Variants in CAP2 observed in about 807,000 individuals in gnomAD.
The protein encoded by CAP2 is adenylyl cyclase-associated protein 2.
Under a neutral mutation model 57.7 loss-of-function variants are expected in CAP2, and 24 were observed. The ratio of observed to expected loss-of-function variants is 0.42; its 90% CI spans 0.30 to 0.58. The LOEUF (loss-of-function observed/expected upper bound fraction) is 0.58, where lower values mean the gene tolerates loss of function less well. Among genes scored for constraint, CAP2 ranks in the 20% least tolerant of loss-of-function variants. CAP2 has a pLI of 0.22. For missense variants in CAP2, 501 were observed against 590.3 expected (o/e 0.85, Z 1.57); for synonymous variants, 194 against 207.2 (o/e 0.94, Z 0.55).
intron 1 of CAP2, among the ~76,000 whole-genome samples, chr6:17,400,260 C>T (rs1375010144): frequency 6.6e-6 from 1 of 152,026 alleles, no homozygotes; most frequent in Admixed American, 6.5e-5. Context: ...CAAAACAGAC[C>T]TGTAGTACAT....
At chr6:17,460,927 C>T (rs939071715) in intron 3 of CAP2, among the ~76,000 whole-genome samples, 1 of 152,134 alleles carries the variant, frequency 6.6e-6, no homozygotes, top group Non-Finnish European at 1.5e-5. Flanking sequence ...ACAGGAGGAT[C>T]GCTTGAGCAC....
At chr6:17,526,695 C>G (rs982010243) in intron 7 of CAP2, among the ~76,000 whole-genome samples, 5 of 152,054 alleles carry the variant, frequency 3.3e-5, no homozygotes, top group Non-Finnish European at 5.9e-5. Context: ...TAGTGGCTCC[C>G]GCCTGTAATT....
chr6:17,496,754 A>G (rs1561804975), intron 4 of CAP2, among the ~76,000 whole-genome samples: 3 of 152,120 alleles, frequency 2.0e-5, no homozygotes, highest in Non-Finnish European at 4.4e-5. Flanking sequence ...TGGCTCATCT[A>G]CCCTGTGGGA....
intron 3 of CAP2, among the ~76,000 whole-genome samples, chr6:17,430,172 A>G (rs1298893826): frequency 6.6e-6 from 1 of 152,214 alleles, no homozygotes; most frequent in Non-Finnish European, 1.5e-5. Context: ...TGAACACTCA[A>G]TAGCCTATTG....
intron 9 of CAP2, 118 bp from the exon 10 acceptor site, chr6:17,542,719 G>T (rs1228106685): frequency 2.4e-6 from 2 of 817,954 alleles, no homozygotes; most frequent in Non-Finnish European, 4.0e-6. Flanking sequence ...TAAGGAGATG[G>T]TTCCAAAAGA....
At chr6:17,460,747 C>A (rs995393041) in intron 3 of CAP2, among the ~76,000 whole-genome samples, 3 of 152,252 alleles carry the variant, frequency 2.0e-5, no homozygotes, top group Non-Finnish European at 2.9e-5. Flanking sequence ...ACGATTCAAT[C>A]ATAACTAAAA....
intron 3 of CAP2, among the ~76,000 whole-genome samples, chr6:17,433,166 A>G (rs73367901): frequency 0.046 from 7,012 of 152,184 alleles, 518 homozygotes; most frequent in African/African-American, 0.15. Flanking sequence ...CTGCAGTAGG[A>G]TGGCCTCATC....
intron 4 of CAP2, among the ~76,000 whole-genome samples, chr6:17,477,733 T>A (rs1761186265): frequency 2.0e-5 from 3 of 152,186 alleles, no homozygotes; most frequent in Non-Finnish European, 2.9e-5. Flanking sequence ...AAAACTATTG[T>A]TCCCATGTAT....
chr6:17,497,384 TA>T (rs1761695484), intron 4 of CAP2, among the ~76,000 whole-genome samples: 1 of 152,224 alleles, frequency 6.6e-6, no homozygotes, highest in Non-Finnish European at 1.5e-5. Context: ...TAAGAGTTGG[TA>T]TCTTCTCAGC....
chr6:17,395,603 T>C (rs1758645412), intron 1 of CAP2, among the ~76,000 whole-genome samples: 1 of 152,208 alleles, frequency 6.6e-6, no homozygotes, highest in South Asian at 2.1e-4. Context: ...GTGCCTGTTA[T>C]ACCTTGGCAG....
chr6:17,409,349 G>A (rs935947662), intron 1 of CAP2, among the ~76,000 whole-genome samples: 1 of 151,540 alleles, frequency 6.6e-6, no homozygotes, highest in Non-Finnish European at 1.5e-5. Flanking sequence ...TCCAGCCTGG[G>A]TGACAGAGTG....
intron 1 of CAP2, among the ~76,000 whole-genome samples, chr6:17,402,208 G>A (rs780979191): frequency 2.8e-4 from 42 of 152,144 alleles, no homozygotes; most frequent in Non-Finnish European, 5.0e-4. Flanking sequence ...TTTCCCATCT[G>A]CTTTTCCATA....
chr6:17,438,410 T>A (rs1437690930), intron 3 of CAP2, among the ~76,000 whole-genome samples: 1 of 147,262 alleles, frequency 6.8e-6, no homozygotes, highest in Non-Finnish European at 1.5e-5. Flanking sequence ...TTTTTTTGTT[T>A]GCTTGTTTGA....
intron 1 of CAP2, among the ~76,000 whole-genome samples, chr6:17,417,247 A>C (rs10485377): frequency 0.12 from 18,696 of 151,688 alleles, 1,366 homozygotes; most frequent in African/African-American, 0.2. Context: ...AATTAACATT[A>C]ATCTCAAGTA....
intron 3 of CAP2, among the ~76,000 whole-genome samples, chr6:17,462,691 T>A (rs1260025770): frequency 2.0e-5 from 3 of 152,192 alleles, no homozygotes; most frequent in African/African-American, 7.2e-5. Context: ...CTCAGCGTAA[T>A]GTTTTCAAGG....
At chr6:17,470,633 G>A (rs1760993074) in intron 4 of CAP2, among the ~76,000 whole-genome samples, 1 of 152,168 alleles carries the variant, frequency 6.6e-6, no homozygotes, top group South Asian at 2.1e-4. Flanking sequence ...GGCTGGGCTT[G>A]GAAATGGCCT....
intron 1 of CAP2, among the ~76,000 whole-genome samples, chr6:17,398,746 A>C (rs576271345): frequency 6.6e-6 from 1 of 151,966 alleles, no homozygotes; most frequent in African/African-American, 2.4e-5. Flanking sequence ...GGATGGTCTC[A>C]ATCTCCTGAC....
At chr6:17,538,543 G>A (rs1762827136) in intron 7 of CAP2, among the ~76,000 whole-genome samples, 1 of 152,134 alleles carries the variant, frequency 6.6e-6, no homozygotes, top group Non-Finnish European at 1.5e-5. Flanking sequence ...CTTTCATACT[G>A]AAAACAAAGG....
At chr6:17,541,524 G>T (rs781360110) in intron 9 of CAP2, among the ~76,000 whole-genome samples, 1 of 151,912 alleles carries the variant, frequency 6.6e-6, no homozygotes, top group Non-Finnish European at 1.5e-5. Context: ...AGGTTGCAGC[G>T]AGCCGAGATC....
Sources: gnomAD v4.1 joint callset for allele counts (sites outside exome capture counted in the v4.1 genomes callset) on GRCh38, gnomAD v4.1.1 for gene constraint, MANE v1.5 for transcripts, NCBI Gene and HGNC (gene_info 2026-07-23, HGNC 2026-07-21) for gene names.